Variants in COL14A1 observed in about 807,000 individuals in gnomAD.
COL14A1 encodes collagen type XIV alpha 1 chain.
In COL14A1, 136 loss-of-function variants were observed where a neutral mutation model predicts 230.3. The ratio of observed to expected loss-of-function variants is 0.59; its 90% confidence interval spans 0.51 to 0.68. COL14A1 has a LOEUF of 0.68. COL14A1 is among the 30% of genes least tolerant of loss of function. The pLI, the probability that COL14A1 is intolerant of heterozygous loss-of-function variation, is 0.00. For missense variants in COL14A1, 1,976 were observed against 2,215.8 expected (o/e 0.89, Z 2.17); for synonymous variants, 792 against 784.1 (o/e 1.01, Z -0.17).
chr8:120,186,571 A>G (rs142530839), intron 5 of COL14A1, among the ~76,000 whole-genome samples: 1,948 of 152,282 alleles, frequency 0.013, 12 homozygotes, highest in Non-Finnish European at 0.021. Flanking sequence ...CTTTCGTTCA[A>G]CTTAGCCTCC....
chr8:120,334,954 G>A (rs1822000461), intron 42 of COL14A1, among the ~76,000 whole-genome samples: 1 of 152,188 alleles, frequency 6.6e-6, no homozygotes, highest in Admixed American at 6.5e-5. Flanking sequence ...CCCAAAACTA[G>A]TTTAATTTGG....
chr8:120,369,881 G>A (rs1823530283), intron 47 of COL14A1, among the ~76,000 whole-genome samples: 1 of 152,178 alleles, frequency 6.6e-6, no homozygotes, highest in Non-Finnish European at 1.5e-5. Flanking sequence ...TTGGTTTGGG[G>A]AAATGTCAAA....
At chr8:120,231,362 G>T (rs1411226388) in intron 18 of COL14A1, 105 bp from the exon 19 acceptor site, 4 of 1,204,534 alleles carry the variant, frequency 3.3e-6, no homozygotes, top group Non-Finnish European at 3.5e-6. Context: ...ATATTACAGG[G>T]ATACATTAAA....
rs111359440 is a variant in COL14A1 at position 120,206,728 on chromosome 8, T to C, written c.1040-215T>C. 0.018 allele frequency among the ~76,000 whole-genome samples: 2,752 copies of C among 152,340 alleles called. 81 individuals are homozygous for C. The highest frequency in any genetic ancestry group is 0.06 in the African/African-American group (2,487 of 41,562). On this transcript the variant is annotated intron_variant, in intron 9 of 47. Coordinates refer to ENST00000297848, the MANE Select transcript of COL14A1 (RefSeq NM_021110.4). ...CTGGAGTCAAGAACTATGTCTTATT[T>C]AAGTTTGGTATCCTCGGAACTTAGC...
At chr8:120,193,915 A>C (rs921599022) in intron 5 of COL14A1, among the ~76,000 whole-genome samples, 11 of 152,172 alleles carry the variant, frequency 7.2e-5, no homozygotes, top group South Asian at 2.1e-4. Context: ...GCGCAGTATT[A>C]GGGTGGGAGT....
At chr8:120,301,295 A>T (rs1426253337) in intron 36 of COL14A1, among the ~76,000 whole-genome samples, 1 of 152,014 alleles carries the variant, frequency 6.6e-6, no homozygotes, top group Admixed American at 6.6e-5. Flanking sequence ...AGATTATTTC[A>T]TCACCCAAGT....
At chr8:120,152,753 G>A (rs1044383617) in intron 2 of COL14A1, among the ~76,000 whole-genome samples, 1 of 152,168 alleles carries the variant, frequency 6.6e-6, no homozygotes, top group Non-Finnish European at 1.5e-5. Flanking sequence ...AGAGTGATGG[G>A]ATCCACACTT....
intron 8 of COL14A1, among the ~76,000 whole-genome samples, chr8:120,200,346 C>A (rs1326608988): frequency 6.6e-6 from 1 of 151,894 alleles, no homozygotes; most frequent in Non-Finnish European, 1.5e-5. Flanking sequence ...TGTGATCAAT[C>A]TTTAGTCCAA....
intron 26 of COL14A1, among the ~76,000 whole-genome samples, chr8:120,274,505 G>C (rs1174103502): frequency 6.6e-6 from 1 of 151,616 alleles, no homozygotes; most frequent in East Asian, 1.9e-4. Context: ...AATAATAAAG[G>C]GCATCCAAAC....
At chr8:120,129,115 T>C (rs1262327838) in intron 1 of COL14A1, among the ~76,000 whole-genome samples, 1 of 152,232 alleles carries the variant, frequency 6.6e-6, no homozygotes, top group East Asian at 1.9e-4. Context: ...GCTGGCACTG[T>C]GCTAAGCATT....
chr8:120,314,033 TTG>T lies in COL14A1; in HGVS notation c.4551+10_4551+11del. The stretch of plus-strand genomic sequence containing the variant: ...TGTCCATTCAAGGAATGCCCGTGAG[TTG>T]TGTTCAAACATTCAGACGGGTTTTA... On this transcript the variant is annotated splice_region_variant and intron_variant, in intron 38 of 47. Transcript: ENST00000297848. 1 of 1,592,312 alleles carries T rather than the reference TTG, an allele frequency of 6.3e-7. No individual in the cohort carries two copies. The highest frequency in any genetic ancestry group is 8.6e-7 in the Non-Finnish European group (1 of 1,166,034).
At chr8:120,250,797 A>T (rs751361536) in intron 22 of COL14A1, 31 bp downstream of exon 22, 1 of 1,611,540 alleles carries the variant, frequency 6.2e-7, no homozygotes, top group Non-Finnish European at 8.5e-7. Flanking sequence ...CCTCAGCCGC[A>T]TATGGGTTTT....
intron 42 of COL14A1, among the ~76,000 whole-genome samples, chr8:120,336,273 G>C (rs576048931): frequency 6.6e-6 from 1 of 152,136 alleles, no homozygotes; most frequent in Non-Finnish European, 1.5e-5. Context: ...CTAAGCTGAG[G>C]GGTGGGAGTA....
chr8:120,231,427 A>G lies in COL14A1; in HGVS notation c.2198-40A>G, dbSNP rs1264666891. 1.9e-6 allele frequency: 3 copies of G among 1,599,852 alleles called. No homozygotes were observed. In the African/African-American group the frequency reaches 4.0e-5, roughly 22 times the overall value. On this transcript the variant is annotated intron_variant, in intron 18 of 47. Transcript: ENST00000297848. ...TCTGTGGCTCATTTTGGAATATGAT[A>G]TGTTAAAAGTTTTTTAATCCTTGGT...
chr8:120,249,043 A>C (rs1818854315), intron 21 of COL14A1, among the ~76,000 whole-genome samples: 1 of 142,110 alleles, frequency 7.0e-6, no homozygotes, highest in South Asian at 2.2e-4. Context: ...CTCCTGCCTC[A>C]GCTTCTCCGA....
In COL14A1 at chr8:120,276,407, A is replaced by G. The variant is rs541129255; in HGVS notation, c.3214-1704A>G. ...AGGATAAAAAAACTACATACTAGAT[A>G]GAATGTACACTACTTGGGTGATGGG... is the stretch of plus-strand genomic sequence containing the variant. On this transcript the variant is annotated intron_variant, in intron 26 of 47. Transcript: ENST00000297848. Among the ~76,000 whole-genome samples the G allele has an allele frequency of 6.7e-5, 10 of 149,296 alleles. No homozygotes were observed. The South Asian group carries it at 2.2e-3, about 33-fold the overall frequency.
rs116444313 is a variant in COL14A1 at position 120,246,654 on chromosome 8, G to A, written c.2480-959G>A. Among the ~76,000 whole-genome samples, 1,480 of 152,148 alleles carry A rather than the reference G, an allele frequency of 9.7e-3. 23 individuals carry two copies. The highest frequency in any genetic ancestry group is 0.034 in the African/African-American group (1,413 of 41,482). On this transcript the variant is annotated intron_variant, in intron 20 of 47. Coordinates refer to ENST00000297848, the MANE Select transcript of COL14A1 (RefSeq NM_021110.4). ...AATCTTATTACAGAAATGCCATTAC[G>A]TCTTAAAAATCTCTATATAGTAAAA...
intron 40 of COL14A1, among the ~76,000 whole-genome samples, chr8:120,319,031 G>T (rs1586859656): frequency 6.6e-6 from 1 of 152,186 alleles, no homozygotes; most frequent in Admixed American, 6.5e-5. Context: ...TGTTTAATCG[G>T]CGCTTTTAGC....
intron 33 of COL14A1, among the ~76,000 whole-genome samples, chr8:120,288,094 A>G (rs1282665664): frequency 5.3e-5 from 8 of 152,100 alleles, no homozygotes; most frequent in African/African-American, 1.9e-4. Context: ...GGGGTACTAG[A>G]AACTAAGTTT....
Sources: allele counts gnomAD v4.1 joint callset (sites outside exome capture counted in the v4.1 genomes callset), GRCh38; gene constraint gnomAD v4.1.1; transcripts MANE v1.5; gene names NCBI Gene and HGNC (gene_info 2026-07-23, HGNC 2026-07-21).